SLC9A3: variants seen among roughly 807,000 people sequenced by gnomAD.
SLC9A3 encodes the protein sodium/hydrogen exchanger 3.
A neutral mutation model predicts 86.8 loss-of-function variants in SLC9A3; 37 were observed. That is an observed-to-expected ratio of 0.43 (90% confidence interval 0.33 to 0.56). The LOEUF (loss-of-function observed/expected upper bound fraction) is 0.56, where lower values mean the gene tolerates loss of function less well. SLC9A3 is among the 20% of genes least tolerant of loss of function. SLC9A3 has a pLI of 0.06. For synonymous variants in SLC9A3, 581 were observed against 528.3 expected (o/e 1.10, Z -1.37); for missense variants, 1,011 against 1,171.9 (o/e 0.86, Z 2.00).
At chr5:484,827 C>T (rs551192703) in intron 4 of SLC9A3, 130 bp from the exon 5 acceptor site, 20 of 849,436 alleles carry the variant, frequency 2.4e-5, no homozygotes, top group African/African-American at 3.4e-5. Context: ...TCTTGGAGAT[C>T]GGGCCTGGTC....
chr5:507,453 A>AT (rs1424790448), intron 1 of SLC9A3, among the ~76,000 whole-genome samples: 7 of 150,116 alleles, frequency 4.7e-5, no homozygotes, highest in Non-Finnish European at 7.4e-5. Context: ...TTTTGTAGAG[A>AT]TTTTTTTCAC....
At chr5:510,709 C>T (rs1740837140) in intron 1 of SLC9A3, among the ~76,000 whole-genome samples, 1 of 152,184 alleles carries the variant, frequency 6.6e-6, no homozygotes, top group South Asian at 2.1e-4. Context: ...GATGCCATCT[C>T]CTGTGAGTCG....
intron 1 of SLC9A3, among the ~76,000 whole-genome samples, chr5:517,336 T>C (rs552228062): frequency 6.6e-6 from 1 of 151,300 alleles, no homozygotes; most frequent in Admixed American, 6.6e-5. Flanking sequence ...CATCCATGAG[T>C]TCACTCACCC....
intron 1 of SLC9A3, among the ~76,000 whole-genome samples, chr5:520,158 G>C (rs150074627): frequency 6.6e-6 from 1 of 151,872 alleles, no homozygotes; most frequent in Non-Finnish European, 1.5e-5. Context: ...GCGCTGCCCA[G>C]CTCTGGAGTT....
Position 471,401 on chromosome 5 carries a change from C to G in SLC9A3, c.*1978G>C. The G allele has an allele frequency of 9.6e-6, 3 of 311,388 alleles. No homozygotes were observed. Among genetic ancestry groups the G allele is most frequent in the Non-Finnish European group, 1.9e-5 (3 of 158,794 alleles). 19.3% of individuals were successfully genotyped at this position (311,388 alleles called of 1,614,324 possible). ...GCATTGCGCGGTGGACCGCACGACG[C>G]TCCTGCTCTGTTCTCCCAGGCACAG... is the stretch of plus-strand genomic sequence containing the variant. On this transcript the variant is annotated 3_prime_UTR_variant, in exon 17 of 17. Coordinates refer to ENST00000264938, the MANE Select transcript of SLC9A3 (RefSeq NM_004174.4).
Position 482,650 on chromosome 5 carries a change from C to T in SLC9A3, c.1254G>A (p.Val418=), listed in dbSNP as rs749002346. The change falls in exon 7 of 17, where the codon GTG becomes GTA. Residue 418 remains valine, a synonymous_variant. Coordinates refer to ENST00000264938, the MANE Select transcript of SLC9A3 (RefSeq NM_004174.4). ...VLSYGGLRGA[V]AFALVVLLDG... Reference sequence around the variant, plus strand: ...CCAGAAGCACCACCAGGGCAAAGGCCACGGCCCCGCGCAGGCCCCCGTAGG... The same window carrying T: ...CCAGAAGCACCACCAGGGCAAAGGCTACGGCCCCGCGCAGGCCCCCGTAGG... 3.7e-6 allele frequency: 6 copies of T among 1,612,724 alleles called. No homozygotes were observed. Among genetic ancestry groups the T allele is most frequent in the Non-Finnish European group, 5.1e-6 (6 of 1,179,904 alleles).
At chr5:522,497 C>A (rs1733912592) in intron 1 of SLC9A3, among the ~76,000 whole-genome samples, 1 of 152,114 alleles carries the variant, frequency 6.6e-6, no homozygotes, top group South Asian at 2.1e-4. Context: ...CGGTGGCTCA[C>A]GCCTGTCATC....
At chr5:502,212 C>A (rs750844252) in intron 1 of SLC9A3, among the ~76,000 whole-genome samples, 13 of 152,370 alleles carry the variant, frequency 8.5e-5, no homozygotes, top group Middle Eastern at 3.4e-3. Flanking sequence ...TCTGAGCCAG[C>A]CACGGCCTCT....
At chr5:490,346 C>G (rs1398430425) in intron 2 of SLC9A3, among the ~76,000 whole-genome samples, 1 of 136,408 alleles carries the variant, frequency 7.3e-6, no homozygotes, top group East Asian at 1.9e-4. Context: ...TGGCGAGGGG[C>G]AGGGGAGGGC....
chr5:503,874 C>T (rs1430389198), intron 1 of SLC9A3, among the ~76,000 whole-genome samples: 1 of 152,220 alleles, frequency 6.6e-6, no homozygotes, highest in Non-Finnish European at 1.5e-5. Context: ...ATCGGCGAAT[C>T]GTCTGCGCGA....
In SLC9A3 at chr5:496,283, T is replaced by A. The variant is rs1289452102; in HGVS notation, c.212-4212A>T. Among the ~76,000 whole-genome samples, 4 of 152,194 alleles carry A rather than the reference T, an allele frequency of 2.6e-5. No individual in the cohort carries two copies. Among genetic ancestry groups the A allele is most frequent in the Non-Finnish European group, 4.4e-5 (3 of 68,032 alleles). On this transcript the variant is annotated intron_variant, in intron 1 of 16. Coordinates refer to ENST00000264938, the MANE Select transcript of SLC9A3 (RefSeq NM_004174.4). The surrounding 1 kb of genome is among the most constrained non-coding windows in gnomAD (Gnocchi z 4.7). ...GGTGTGTGTGTGTTGAGAGCTCACC[T>A]GTGTCCTCCTGCATGGGACATGCCG...
chr5:484,669 G>GC lies in SLC9A3; in HGVS notation c.782dup (p.Thr262HisfsTer144), dbSNP rs869320759. 6.2e-7 allele frequency: 1 copy of GC among 1,613,026 alleles called. No homozygotes were observed. The highest frequency in any genetic ancestry group is 8.5e-7 in the Non-Finnish European group (1 of 1,179,938). ...AGGCGAAGACCACCCCCACCAGCGT[G>GC]CCCCCCAGGCTCACCACGAAGAAGG... is the stretch of plus-strand genomic sequence containing the variant. On this transcript the variant is annotated frameshift_variant, in exon 5 of 17. Coordinates refer to ENST00000264938, the MANE Select transcript of SLC9A3 (RefSeq NM_004174.4). LOFTEE classifies it high-confidence loss of function.
Position 496,879 on chromosome 5 carries a change from C to T in SLC9A3, c.212-4808G>A, listed in dbSNP as rs893055006. On this transcript the variant is annotated intron_variant, in intron 1 of 16. Transcript: ENST00000264938. This position sits in a 1 kb window ranked among gnomAD's most constrained non-coding sequence, Gnocchi z 4.7. ...CAGCCTGGGCAACATGGCGAAACCC[C>T]ATCTTTACAAAAAAAAATACAAAAA... Among the ~76,000 whole-genome samples the T allele has an allele frequency of 6.6e-6, 1 of 151,826 alleles. No homozygotes were observed. Among genetic ancestry groups the T allele is most frequent in the Admixed American group, 6.6e-5 (1 of 15,246 alleles).
intron 1 of SLC9A3, among the ~76,000 whole-genome samples, chr5:507,692 C>T (rs113956701): frequency 0.37 from 15,229 of 41,332 alleles, 4,664 homozygotes; most frequent in Middle Eastern, 0.47. Flanking sequence ...ATCCCCACCC[C>T]GCAGACGCCC....
In SLC9A3 at chr5:474,878, G is replaced by GTTACA. The variant is rs773378858; in HGVS notation, c.2501_2501+4dup. The GTTACA allele has an allele frequency of 9.4e-6, 15 of 1,590,252 alleles. No homozygotes were observed. The East Asian group carries it at 3.4e-4, about 36-fold the overall frequency. On this transcript the variant is annotated splice_donor_region_variant and intron_variant, in intron 16 of 16. Transcript: ENST00000264938. ...GTTAGGCGGCGGGAGGCCCGGGAGC[G>GTTACA]TTACATGTGTGTGGACTCGGGGAGG...
intron 1 of SLC9A3, among the ~76,000 whole-genome samples, chr5:495,418 C>T (rs902328710): frequency 1.8e-4 from 26 of 141,098 alleles, no homozygotes; most frequent in Admixed American, 1.2e-3. Context: ...CTCCACTCCC[C>T]GCGCCATCGC....
At chr5:483,159 G>T in intron 6 of SLC9A3, 103 bp downstream of exon 6, 2 of 901,630 alleles carry the variant, frequency 2.2e-6, no homozygotes, top group Non-Finnish European at 3.4e-6. Flanking sequence ...CCTTGCACGG[G>T]GCTGCACCTC....
At chr5:481,679 G>C in intron 8 of SLC9A3, 44 bp from the exon 9 acceptor site, 1 of 1,533,332 alleles carries the variant, frequency 6.5e-7, no homozygotes, top group Non-Finnish European at 9.0e-7. Context: ...GCGGCCAACC[G>C]GGGAACATGA....
At chr5:483,807 A>G (rs1228299475) in intron 5 of SLC9A3, among the ~76,000 whole-genome samples, 2 of 152,270 alleles carry the variant, frequency 1.3e-5, no homozygotes, top group African/African-American at 4.8e-5. Flanking sequence ...AATTCAGTGG[A>G]AACGCCAACT....
Sources: gnomAD v4.1 joint callset for allele counts (sites outside exome capture counted in the v4.1 genomes callset) on GRCh38, gnomAD v4.1.1 for gene constraint, Gnocchi (gnomAD v3.1) non-coding constraint, MANE v1.5 for transcripts, NCBI Gene and HGNC (gene_info 2026-07-23, HGNC 2026-07-21) for gene names.